PDCD11: variants seen among roughly 807,000 people sequenced by gnomAD.
The protein encoded by PDCD11 is protein RRP5 homolog.
A neutral mutation model predicts 198.9 loss-of-function variants in PDCD11; 97 were observed. That is an observed-to-expected ratio of 0.49 (90% confidence interval 0.41 to 0.58). The LOEUF (loss-of-function observed/expected upper bound fraction) is 0.58, where lower values mean the gene tolerates loss of function less well. Ranked by LOEUF, PDCD11 falls within the 20% of genes least tolerant of loss-of-function variation. The pLI is 0.00. For synonymous variants in PDCD11, 893 were observed against 918.0 expected (o/e 0.97, Z 0.49); for missense variants, 2,102 against 2,312.7 (o/e 0.91, Z 1.87).
At chr10:103,414,181 T>C in intron 10 of PDCD11, 89 bp from the exon 11 acceptor site, 1 of 1,581,752 alleles carries the variant, frequency 6.3e-7, no homozygotes, top group South Asian at 1.1e-5. Context: ...GGAAGGGTTT[T>C]CTTTCTTGCC....
At chr10:103,400,347 T>C in intron 2 of PDCD11, 50 bp from the exon 3 acceptor site, 1 of 1,571,946 alleles carries the variant, frequency 6.4e-7, no homozygotes, top group Non-Finnish European at 8.6e-7. Flanking sequence ...AAAACTCAGA[T>C]TGCTTCTTAT....
chr10:103,440,682 G>T (rs973879880), intron 29 of PDCD11, 52 bp from the exon 30 acceptor site: 26 of 1,613,328 alleles, frequency 1.6e-5, no homozygotes, highest in East Asian at 1.1e-4. Context: ...GGAGGGTGTC[G>T]CCTGGGGCTG....
At chr10:103,443,457 C>A in intron 33 of PDCD11, 124 bp downstream of exon 33, 1 of 694,064 alleles carries the variant, frequency 1.4e-6, no homozygotes, top group African/African-American at 1.8e-5. Context: ...GCCCCAACTT[C>A]CCTATCTTCC....
Position 103,421,466 on chromosome 10 carries a change from T to C in PDCD11, c.2396T>C (p.Leu799Pro). 6.2e-7 allele frequency: 1 copy of C among 1,602,054 alleles called. No homozygotes were observed. Among genetic ancestry groups the C allele is most frequent in the South Asian group, 1.1e-5 (1 of 88,784 alleles). The change falls in exon 17 of 36, where the codon CTG (leucine) becomes CCG (proline). Residue 799 changes from leucine to proline, a missense_variant. Coordinates refer to ENST00000369797, the MANE Select transcript of PDCD11 (RefSeq NM_014976.2). ...EKQRMLLSLR[L>P]SDCGLGDLAI... ...CAGCGGATGCTGCTGTCACTGCGGC[T>C]GTCGGACTGTGGTCTGGGGGACTTG...
chr10:103,440,635 A>T, intron 29 of PDCD11, 54 bp downstream of exon 29: 3 of 1,610,632 alleles, frequency 1.9e-6, no homozygotes, highest in Non-Finnish European at 2.5e-6. Flanking sequence ...AGGGACAGCC[A>T]TGAGGGCGTG....
rs749337554 is a variant in PDCD11 at position 103,421,515 on chromosome 10, G to A, written c.2445G>A (p.Leu815=). 1.9e-6 allele frequency: 3 copies of A among 1,584,672 alleles called. No homozygotes were observed. Among genetic ancestry groups the A allele is most frequent in the Non-Finnish European group, 2.6e-6 (3 of 1,164,894 alleles). The part of the protein sequence containing the change: ...GDLAITSLLL[L]NQCLEELQGV... ...TGGCTATCACCAGCCTCCTCCTCCT[G>A]AATCAGTGCCTGGAGGAGCTGCAGG... The change falls in exon 17 of 36, where the codon CTG becomes CTA. Residue 815 remains leucine, a synonymous_variant. Transcript: ENST00000369797.
At position 103,445,749 on chromosome 10, in the gene PDCD11, C is replaced by G; in HGVS notation, c.*200C>G. On this transcript the variant is annotated 3_prime_UTR_variant, in exon 36 of 36. Coordinates refer to ENST00000369797, the MANE Select transcript of PDCD11 (RefSeq NM_014976.2). ...TCTTCGCTTGCTTTATTTTCAGTAC[C>G]AACTTGTTATCTTTTTCCTTATCTG... The G allele has an allele frequency of 3.6e-6, 2 of 552,664 alleles. No homozygotes were observed. Among genetic ancestry groups the G allele is most frequent in the Non-Finnish European group, 3.2e-6 (1 of 310,768 alleles). 34.2% of individuals were successfully genotyped at this position (552,664 alleles called of 1,614,324 possible). A position where few individuals can be genotyped will look rare whatever the true frequency, so the allele number is the denominator to read the frequency against.
chr10:103,423,426 A>C, intron 18 of PDCD11, 117 bp from the exon 19 acceptor site: 1 of 785,106 alleles, frequency 1.3e-6, no homozygotes, highest in South Asian at 1.6e-5. Context: ...GTATGGACCC[A>C]GGACATGTGT....
intron 34 of PDCD11, 25 bp downstream of exon 34, chr10:103,444,093 A>C (rs756913895): frequency 6.3e-7 from 1 of 1,599,634 alleles, no homozygotes; most frequent in South Asian, 1.1e-5. Flanking sequence ...CCAGCTCCTG[A>C]GCCCATGAGC....
chr10:103,419,841 T>G, intron 16 of PDCD11, 133 bp downstream of exon 16: 1 of 757,278 alleles, frequency 1.3e-6, no homozygotes, highest in South Asian at 2.3e-5. Context: ...CCAGGCTGGC[T>G]TGCAGTGGTG....
Position 103,440,771 on chromosome 10 carries a change from CAGA to C in PDCD11, c.4479_4481del (p.Glu1495del), listed in dbSNP as rs2032351781. On this transcript the variant is annotated inframe_deletion, in exon 30 of 36. Coordinates refer to ENST00000369797, the MANE Select transcript of PDCD11 (RefSeq NM_014976.2). ...AAGAAGCCAAAGAAAGCCGGCCTGT[CAGA>C]GGAGGACGACAGCCTTGTGGACGTG... The C allele has an allele frequency of 1.2e-6, 2 of 1,614,026 alleles. No homozygotes were observed. Among genetic ancestry groups the C allele is most frequent in the Non-Finnish European group, 1.7e-6 (2 of 1,180,026 alleles).
At chr10:103,401,776 C>T (rs1345543147) in intron 3 of PDCD11, among the ~76,000 whole-genome samples, 1 of 151,346 alleles carries the variant, frequency 6.6e-6, no homozygotes, top group Non-Finnish European at 1.5e-5. Flanking sequence ...CTCGCACAGT[C>T]GCCCAGGCTG....
At chr10:103,406,527 T>C (rs1036933927) in intron 6 of PDCD11, 82 bp from the exon 7 acceptor site, 1 of 1,306,788 alleles carries the variant, frequency 7.7e-7, no homozygotes, top group Non-Finnish European at 1.1e-6. Flanking sequence ...CCATGGGTCT[T>C]TTCAGGTATT....
In PDCD11 at chr10:103,439,774, C is replaced by G; in HGVS notation, c.4054C>G (p.Arg1352Gly). The G allele has an allele frequency of 7.4e-6, 12 of 1,614,120 alleles. No homozygotes were observed. The highest frequency in any genetic ancestry group is 1.0e-5 in the Non-Finnish European group (12 of 1,180,010). The change falls in exon 28 of 36, where the codon CGG becomes GGG. Residue 1352 changes from arginine (R) to glycine (G), a missense_variant. Physicochemically the swap from Arg to Gly is moderately radical, Grantham distance 125. Transcript: ENST00000369797. Reference sequence around the variant, plus strand: ...TGGCCCCTCCGTTGTGGGTTTGGCTCGGTACTCCCATGTCTCCCAGCACAG... The same window carrying G: ...TGGCCCCTCCGTTGTGGGTTTGGCTGGGTACTCCCATGTCTCCCAGCACAG... ...RLGPSVVGLA[R>G]YSHVSQHSPS...
At chr10:103,417,032 G>A (rs914423897) in intron 13 of PDCD11, among the ~76,000 whole-genome samples, 2 of 152,336 alleles carry the variant, frequency 1.3e-5, no homozygotes, top group South Asian at 4.1e-4. Context: ...TGAGGTCACT[G>A]TCACCACATG....
intron 13 of PDCD11, among the ~76,000 whole-genome samples, chr10:103,417,101 C>T (rs977538507): frequency 1.9e-4 from 29 of 152,116 alleles, no homozygotes; most frequent in African/African-American, 6.0e-4. Context: ...TTTTTTTATT[C>T]CTTTAAACGA....
At position 103,440,289 on chromosome 10, in the gene PDCD11, G is replaced by A; in HGVS notation, c.4149-1G>A. 1 of 1,612,254 alleles carries A rather than the reference G, an allele frequency of 6.2e-7. No individual in the cohort carries two copies. The highest frequency in any genetic ancestry group is 2.2e-5 in the East Asian group (1 of 44,878). ...TACCTCCCCATCTTGCTCTGTCATAGCCTTAACCACCAGAAGAACCTGGTA... is the reference window on the plus strand; with the variant it reads ...TACCTCCCCATCTTGCTCTGTCATAACCTTAACCACCAGAAGAACCTGGTA... On this transcript the variant is annotated splice_acceptor_variant, in intron 28 of 35. Transcript: ENST00000369797. LOFTEE classifies it high-confidence loss of function.
At position 103,441,841 on chromosome 10, in the gene PDCD11, C is replaced by T. The variant is rs1363971792; in HGVS notation, c.4573C>T (p.Pro1525Ser). Residue 1525 changes from proline (P) to serine (S), a missense_variant, in exon 31 of 36, where the codon CCA becomes TCA. Pro to Ser is a moderately conservative substitution (Grantham distance 74). Coordinates refer to ENST00000369797, the MANE Select transcript of PDCD11 (RefSeq NM_014976.2). ...NVLPKEKQTKPAEAPRLQLSS... is the reference protein window; with the variant it reads ...NVLPKEKQTKSAEAPRLQLSS... ...GTTCCTCCAGGAGAAGCAAACCAAG[C>T]CAGCAGAAGCGCCCCGGCTGCAGCT... 1 of 1,613,940 alleles carries T rather than the reference C, an allele frequency of 6.2e-7. No homozygotes were observed. The highest frequency in any genetic ancestry group is 1.7e-5 in the Admixed American group (1 of 60,004).
intron 3 of PDCD11, among the ~76,000 whole-genome samples, chr10:103,402,561 C>G (rs1271722472): frequency 6.6e-6 from 1 of 151,972 alleles, no homozygotes; most frequent in Non-Finnish European, 1.5e-5. Flanking sequence ...GCCTCAGCCT[C>G]CTGAGTAGCT....
Sources: gnomAD v4.1 joint callset for allele counts (sites outside exome capture counted in the v4.1 genomes callset) on GRCh38, gnomAD v4.1.1 for gene constraint, MANE v1.5 for transcripts, NCBI Gene and HGNC (gene_info 2026-07-23, HGNC 2026-07-21) for gene names.